Variants in ANXA4 observed in about 807,000 individuals in gnomAD.
The protein encoded by ANXA4 is 35-beta calcimedin.
In ANXA4, 39 loss-of-function variants were observed where a neutral mutation model predicts 49.8. The observed-to-expected ratio is 0.78, with a 90% CI of 0.61 to 1.02. The LOEUF (loss-of-function observed/expected upper bound fraction) is 1.02, where lower values mean the gene tolerates loss of function less well. Ranked by LOEUF, ANXA4 falls within the 50% of genes least tolerant of loss-of-function variation. ANXA4 has a pLI of 0.00. For synonymous variants in ANXA4, 134 were observed against 152.5 expected (o/e 0.88, Z 0.89); for missense variants, 360 against 410.1 (o/e 0.88, Z 1.05).
At chr2:69,789,776 C>G (rs533855353) in intron 3 of ANXA4, among the ~76,000 whole-genome samples, 6 of 152,118 alleles carry the variant, frequency 3.9e-5, no homozygotes, top group Non-Finnish European at 5.9e-5. Flanking sequence ...CAGCTCTTAT[C>G]CCATTCTCTG....
chr2:69,689,690 C>T (rs532469716), intron 2 of ANXA4, among the ~76,000 whole-genome samples: 2 of 152,082 alleles, frequency 1.3e-5, no homozygotes, highest in South Asian at 2.1e-4. Context: ...GTGGTTATTC[C>T]GCCAACTCAG....
chr2:69,780,108 C>T (rs1438096849), intron 1 of ANXA4, among the ~76,000 whole-genome samples: 1 of 151,812 alleles, frequency 6.6e-6, no homozygotes, highest in Non-Finnish European at 1.5e-5. Flanking sequence ...GCTTTTCAAA[C>T]TACTGTGCAG....
chr2:69,697,349 G>T (rs1368184602), intron 2 of ANXA4, among the ~76,000 whole-genome samples: 1 of 152,184 alleles, frequency 6.6e-6, no homozygotes. Context: ...GCCTTCGCAG[G>T]ATTGAAAAGA....
intron 1 of ANXA4, among the ~76,000 whole-genome samples, chr2:69,769,564 C>T (rs998542351): frequency 6.6e-6 from 1 of 152,348 alleles, no homozygotes; most frequent in South Asian, 2.1e-4. Context: ...CCCTCCTTCC[C>T]CTGCCTTTTA....
intron 1 of ANXA4, among the ~76,000 whole-genome samples, chr2:69,780,737 G>A (rs983598536): frequency 6.6e-6 from 1 of 152,048 alleles, no homozygotes; most frequent in South Asian, 2.1e-4. Context: ...GGGAGACCCT[G>A]ACTCAAAAAA....
At chr2:69,648,736 A>G (rs1329594054) in intron 1 of ANXA4, among the ~76,000 whole-genome samples, 3 of 145,618 alleles carry the variant, frequency 2.1e-5, no homozygotes. Flanking sequence ...CATGAGAATC[A>G]CTTTAACCCA....
chr2:69,778,056 C>G (rs1672032519), intron 1 of ANXA4, among the ~76,000 whole-genome samples: 1 of 152,198 alleles, frequency 6.6e-6, no homozygotes. Flanking sequence ...ACAATTTTCA[C>G]ATGTAATAAA....
chr2:69,734,010 C>T (rs1054138725), intron 3 of ANXA4, among the ~76,000 whole-genome samples: 4 of 151,772 alleles, frequency 2.6e-5, no homozygotes, highest in Admixed American at 1.3e-4. Context: ...TTTTTGGCTC[C>T]CTGCCTGTCT....
chr2:69,656,365 A>G lies in ANXA4; in HGVS notation n.766+3083A>G, dbSNP rs1354503412. Among the ~76,000 whole-genome samples the G allele has an allele frequency of 9.7e-4, 127 of 131,000 alleles. 7 individuals are homozygous for G. Among genetic ancestry groups the G allele is most frequent in the African/African-American group, 3.5e-3 (118 of 33,348 alleles). 85.9% of individuals were successfully genotyped at this position (131,000 alleles called of 152,430 possible). A position where few individuals can be genotyped will look rare whatever the true frequency, so the allele number is the denominator to read the frequency against. ...TATATGTGTATATATGTGTATATAT[A>G]TGTGTATATATGTGTATATATATGT... On this transcript the variant is annotated intron_variant and non_coding_transcript_variant, in intron 2 of 3. Transcript: ENST00000418066.
At chr2:69,675,157 C>T (rs984370500) in intron 2 of ANXA4, among the ~76,000 whole-genome samples, 4 of 152,126 alleles carry the variant, frequency 2.6e-5, no homozygotes, top group African/African-American at 9.7e-5. Context: ...CTCCTGTCCT[C>T]GTGATCCACC....
At chr2:69,745,957 G>A (rs1030989879) in intron 1 of ANXA4, among the ~76,000 whole-genome samples, 2 of 152,112 alleles carry the variant, frequency 1.3e-5, no homozygotes, top group Non-Finnish European at 2.9e-5. Flanking sequence ...TAAACTCTAG[G>A]TAATGTGGTA....
chr2:69,670,438 C>CAAAAAA (rs748196181), intron 2 of ANXA4, among the ~76,000 whole-genome samples: 5 of 44,736 alleles, frequency 1.1e-4, no homozygotes, highest in Non-Finnish European at 1.8e-4. Context: ...GACTCAATCT[C>CAAAAAA]AAAAAAAAAA....
upstream of ANXA4, among the ~76,000 whole-genome samples, chr2:69,737,941 T>G (rs751992984): frequency 7.9e-5 from 12 of 152,024 alleles, no homozygotes; most frequent in Non-Finnish European, 1.5e-4. Context: ...TGCTCTTACT[T>G]AAGTGTGCCA....
At chr2:69,747,299 A>G (rs890912570) in intron 1 of ANXA4, among the ~76,000 whole-genome samples, 2 of 152,228 alleles carry the variant, frequency 1.3e-5, no homozygotes, top group African/African-American at 4.8e-5. Context: ...AGTTCTCCTG[A>G]TTTATATGCG....
chr2:69,804,539 A>G lies in ANXA4; in HGVS notation c.104A>G (p.Asp35Gly), dbSNP rs1673353562. 2 of 1,613,732 alleles carry G rather than the reference A, an allele frequency of 1.2e-6. No individual in the cohort carries two copies. Among genetic ancestry groups the G allele is most frequent in the East Asian group, 2.2e-5 (1 of 44,854 alleles). ...GTCTCCCTTCTTCCCCCAGGCACCG[A>G]TGAAGACGCCATTATTAGCGTCCTT... The part of the protein sequence containing the change: ...LRKAMKGLGT[D>G]EDAIISVLAY... Residue 35 changes from aspartate (D) to glycine (G), a missense_variant, in exon 4 of 13, where the codon GAT becomes GGT. Coordinates refer to ENST00000394295, the MANE Select transcript of ANXA4 (RefSeq NM_001153.5).
intron 2 of ANXA4, among the ~76,000 whole-genome samples, chr2:69,718,707 GCACACATGCA>G (rs918559352): frequency 2.6e-5 from 4 of 151,426 alleles, no homozygotes; most frequent in Admixed American, 6.6e-5. Context: ...ATGCACATGC[GCACACATGCA>G]CACACATGCA....
intron 3 of ANXA4, among the ~76,000 whole-genome samples, chr2:69,798,783 C>G (rs1673057021): frequency 1.3e-5 from 2 of 152,178 alleles, no homozygotes; most frequent in African/African-American, 4.8e-5. Context: ...CGCTCCTTTA[C>G]TCACCATTCT....
chr2:69,652,727 C>T (rs1184496134), intron 1 of ANXA4, among the ~76,000 whole-genome samples: 1 of 152,076 alleles, frequency 6.6e-6, no homozygotes, highest in Non-Finnish European at 1.5e-5. Context: ...GGCATGGTGG[C>T]AGGTGCCTGT....
upstream of ANXA4, among the ~76,000 whole-genome samples, chr2:69,739,409 T>C (rs1283970818): frequency 6.6e-6 from 1 of 151,732 alleles, no homozygotes; most frequent in Non-Finnish European, 1.5e-5. Flanking sequence ...AAAAAAGTGG[T>C]TTTTTTAGGG....
Sources: allele counts gnomAD v4.1 joint callset (sites outside exome capture counted in the v4.1 genomes callset), GRCh38; gene constraint gnomAD v4.1.1; transcripts MANE v1.5; gene names NCBI Gene and HGNC (gene_info 2026-07-23, HGNC 2026-07-21).